Variants in CACNA2D1 observed in about 807,000 individuals in gnomAD.
The protein encoded by CACNA2D1 is voltage-dependent calcium channel subunit alpha-2/delta-1.
A neutral mutation model predicts 171.5 loss-of-function variants in CACNA2D1; 53 were observed. That is an observed-to-expected ratio of 0.31 (90% CI 0.25 to 0.39). CACNA2D1 has a LOEUF of 0.39. Among genes scored for constraint, CACNA2D1 ranks in the 10% least tolerant of loss-of-function variants. The probability of loss-of-function intolerance (pLI) is 1.00; values close to 1 mark genes in which losing one functional copy is unlikely to be tolerated. For missense variants in CACNA2D1, 903 were observed against 1,299.8 expected (o/e 0.69, Z 4.69); for synonymous variants, 442 against 443.1 (o/e 1.00, Z 0.03).
chr7:82,315,894 C>T lies in CACNA2D1; in HGVS notation c.294+19241G>A, dbSNP rs1198354612. On this transcript the variant is annotated intron_variant, in intron 3 of 38. Coordinates refer to ENST00000356860, the MANE Select transcript of CACNA2D1 (RefSeq NM_000722.4). Reference sequence around the variant, plus strand: ...TTTCTTAAGAAGTTTTAGTTAATCACTGCTTACATTTTGCAAATACTGGGT... The same window carrying T: ...TTTCTTAAGAAGTTTTAGTTAATCATTGCTTACATTTTGCAAATACTGGGT... Among the ~76,000 whole-genome samples, 3 of 152,072 alleles carry T rather than the reference C, an allele frequency of 2.0e-5. No homozygotes were observed. The East Asian group carries it at 5.8e-4, about 29-fold the overall frequency.
chr7:81,963,074 A>G (rs1203024363), intron 34 of CACNA2D1, among the ~76,000 whole-genome samples: 1 of 152,030 alleles, frequency 6.6e-6, no homozygotes, highest in Non-Finnish European at 1.5e-5. Flanking sequence ...GTTTAAAAAA[A>G]AGTGGGGGTG....
At position 82,012,187 on chromosome 7, in the gene CACNA2D1, T is replaced by C; in HGVS notation, c.1329A>G (p.Gln443=). Residue 443 remains glutamine, a synonymous_variant, in exon 15 of 39, where the codon CAA becomes CAG. Transcript: ENST00000356860. Reference sequence around the variant, plus strand: ...CCAGGTACACATTTGTCCATTGGACTTGCTTAGCTTTGTCTCCTGCTAAAA... The same window carrying C: ...CCAGGTACACATTTGTCCATTGGACCTGCTTAGCTTTGTCTCCTGCTAAAA... ...PMVLAGDKAK[Q]VQWTNVYLDA... The C allele has an allele frequency of 6.2e-7, 1 of 1,608,868 alleles. No homozygotes were observed. Among genetic ancestry groups the C allele is most frequent in the Middle Eastern group, 1.7e-4 (1 of 6,050 alleles).
intron 1 of CACNA2D1, among the ~76,000 whole-genome samples, chr7:82,406,118 CTA>C (rs1323676419): frequency 6.6e-6 from 1 of 152,072 alleles, no homozygotes; most frequent in Non-Finnish European, 1.5e-5. Context: ...CAACTCCCAC[CTA>C]TGAGTGAGAA....
intron 1 of CACNA2D1, among the ~76,000 whole-genome samples, chr7:82,435,912 C>G (rs1830082781): frequency 6.6e-6 from 1 of 152,180 alleles, no homozygotes; most frequent in South Asian, 2.1e-4. Flanking sequence ...CCAATAGCTA[C>G]CAACATCACT....
At chr7:82,124,106 T>C (rs1374435518) in intron 5 of CACNA2D1, among the ~76,000 whole-genome samples, 1 of 152,174 alleles carries the variant, frequency 6.6e-6, no homozygotes, top group African/African-American at 2.4e-5. Context: ...AAGGATTCAA[T>C]ATTGGCCAAC....
intron 4 of CACNA2D1, among the ~76,000 whole-genome samples, chr7:82,151,526 TTCAG>T (rs1204428951): frequency 6.6e-6 from 1 of 152,128 alleles, no homozygotes; most frequent in Non-Finnish European, 1.5e-5. Context: ...GAATTCCAAA[TTCAG>T]AGCAGTATAA....
chr7:82,168,087 C>G (rs542671610), intron 4 of CACNA2D1, among the ~76,000 whole-genome samples: 2 of 152,012 alleles, frequency 1.3e-5, no homozygotes, highest in African/African-American at 4.8e-5. Flanking sequence ...CACTTTTTGA[C>G]ATCTCTAAGA....
chr7:82,246,918 C>T (rs1020960765), intron 3 of CACNA2D1, among the ~76,000 whole-genome samples: 3 of 152,084 alleles, frequency 2.0e-5, no homozygotes, highest in Non-Finnish European at 2.9e-5. Flanking sequence ...TTAAAGAAGA[C>T]ACCCCATATC....
intron 7 of CACNA2D1, among the ~76,000 whole-genome samples, chr7:82,068,892 A>C (rs1157216983): frequency 1.3e-5 from 2 of 152,122 alleles, no homozygotes; most frequent in Admixed American, 1.3e-4. Flanking sequence ...TAAAATGTAT[A>C]TCTTTAAGGA....
At chr7:82,309,514 G>T (rs1981605) in intron 3 of CACNA2D1, among the ~76,000 whole-genome samples, 3 of 152,058 alleles carry the variant, frequency 2.0e-5, no homozygotes, top group Admixed American at 2.0e-4. Flanking sequence ...TAAGGTGTCT[G>T]AGCTACAATT....
intron 1 of CACNA2D1, among the ~76,000 whole-genome samples, chr7:82,414,261 C>T (rs374166404): frequency 2.6e-5 from 4 of 152,146 alleles, no homozygotes; most frequent in Non-Finnish European, 4.4e-5. Flanking sequence ...AAAGTATTCA[C>T]ATATACATTG....
chr7:82,321,696 C>A (rs1165938251), intron 3 of CACNA2D1, among the ~76,000 whole-genome samples: 1 of 152,086 alleles, frequency 6.6e-6, no homozygotes, highest in Non-Finnish European at 1.5e-5. Context: ...ATCCCCAACG[C>A]CCCCCATGCA....
chr7:82,203,837 G>A (rs1286495333), intron 3 of CACNA2D1, among the ~76,000 whole-genome samples: 6 of 151,904 alleles, frequency 3.9e-5, no homozygotes, highest in Non-Finnish European at 8.8e-5. Context: ...CAGTCATCGT[G>A]CAGACAACTT....
chr7:82,047,944 G>T (rs1226466762), intron 10 of CACNA2D1, among the ~76,000 whole-genome samples: 2 of 152,112 alleles, frequency 1.3e-5, no homozygotes, highest in Non-Finnish European at 2.9e-5. Flanking sequence ...ACCTGAGCTG[G>T]GGGAAGATCT....
chr7:82,411,647 C>T (rs1034098954), intron 1 of CACNA2D1, among the ~76,000 whole-genome samples: 9 of 152,064 alleles, frequency 5.9e-5, no homozygotes, highest in African/African-American at 1.2e-4. Context: ...TACAGGTATG[C>T]GGACACCTTG....
chr7:82,103,923 A>C (rs1462901231), intron 6 of CACNA2D1, among the ~76,000 whole-genome samples: 1 of 152,094 alleles, frequency 6.6e-6, no homozygotes, highest in Non-Finnish European at 1.5e-5. Flanking sequence ...CAAAAAATAT[A>C]CTTTATTACA....
chr7:82,132,757 T>A (rs1791142817), intron 5 of CACNA2D1, among the ~76,000 whole-genome samples: 1 of 152,194 alleles, frequency 6.6e-6, no homozygotes, highest in African/African-American at 2.4e-5. Context: ...TTTAGGCCAC[T>A]TTTACTTTAG....
chr7:82,019,784 T>G (rs80342801), intron 12 of CACNA2D1, among the ~76,000 whole-genome samples: 3,139 of 152,136 alleles, frequency 0.021, 102 homozygotes, highest in African/African-American at 0.071. Flanking sequence ...TAGGCAAATC[T>G]CCAAAGAATA....
In CACNA2D1 at chr7:81,971,987, T is replaced by G. The variant is rs1584239893; in HGVS notation, c.2054-123A>C. ...TATTTCTATGAATTTTAAAATATAT[T>G]CCACATTCATTTTCTTTGTAATTTT... On this transcript the variant is annotated intron_variant, in intron 25 of 38. Transcript: ENST00000356860. The G allele has an allele frequency of 9.0e-6, 6 of 669,130 alleles. No homozygotes were observed. The East Asian group carries it at 1.7e-4, about 19-fold the overall frequency. The allele number at this position is 669,130 out of a possible 1,614,324, so 41.4% of individuals were successfully genotyped here. A position where few individuals can be genotyped will look rare whatever the true frequency, so the allele number is the denominator to read the frequency against.
Sources: gnomAD v4.1 joint callset for allele counts (sites outside exome capture counted in the v4.1 genomes callset) on GRCh38, gnomAD v4.1.1 for gene constraint, MANE v1.5 for transcripts, NCBI Gene and HGNC (gene_info 2026-07-23, HGNC 2026-07-21) for gene names.